Variants in NOS1AP observed in about 807,000 individuals in gnomAD.
NOS1AP encodes nitric oxide synthase 1 adaptor protein, also known as carboxyl-terminal PDZ ligand of neuronal nitric oxide synthase protein.
A neutral mutation model predicts 56.2 loss-of-function variants in NOS1AP; 21 were observed. The observed-to-expected ratio is 0.37, with a 90% CI of 0.26 to 0.54. The LOEUF (loss-of-function observed/expected upper bound fraction) is 0.54. NOS1AP is among the 20% of genes least tolerant of loss of function. The pLI, the probability that NOS1AP is intolerant of heterozygous loss-of-function variation, is 0.84. For synonymous variants in NOS1AP, 270 were observed against 274.6 expected (o/e 0.98, Z 0.17); for missense variants, 522 against 657.8 (o/e 0.79, Z 2.26).
chr1:162,295,172 C>T (rs890022020), intron 3 of NOS1AP, among the ~76,000 whole-genome samples: 2 of 152,088 alleles, frequency 1.3e-5, no homozygotes, highest in Non-Finnish European at 1.5e-5. Flanking sequence ...GTGTGTGTCC[C>T]CTCCTTTTCT....
At chr1:162,118,518 T>A (rs985375462) in intron 1 of NOS1AP, among the ~76,000 whole-genome samples, 9 of 152,204 alleles carry the variant, frequency 5.9e-5, no homozygotes, top group Non-Finnish European at 1.2e-4. Context: ...TCCACGTGTT[T>A]GCTAATGTGA....
intron 9 of NOS1AP, 165 bp from the exon 10 acceptor site, chr1:162,366,887 G>A: frequency 1.3e-6 from 1 of 766,836 alleles, no homozygotes; most frequent in Admixed American, 1.9e-5. Flanking sequence ...AGCTATGTGG[G>A]GGCGGGAGGA....
intron 1 of NOS1AP, among the ~76,000 whole-genome samples, chr1:162,073,637 T>G (rs7514962): frequency 0.54 from 82,392 of 151,972 alleles, 23,775 homozygotes; most frequent in Non-Finnish European, 0.65. Context: ...ATTTTGTATT[T>G]TTTGTAGAGA....
chr1:162,081,774 A>ATATTTTTT, intron 1 of NOS1AP, among the ~76,000 whole-genome samples: 1 of 44,060 alleles, frequency 2.3e-5, no homozygotes, highest in African/African-American at 7.7e-5. Flanking sequence ...ATATATATAT[A>ATATTTTTT]TTTTTTTTTT....
chr1:162,204,052 G>A (rs893941751), intron 2 of NOS1AP, among the ~76,000 whole-genome samples: 1 of 151,524 alleles, frequency 6.6e-6, no homozygotes, highest in East Asian at 1.9e-4. Context: ...TGGCCAGAGT[G>A]CTCTTTCAAA....
intron 1 of NOS1AP, among the ~76,000 whole-genome samples, chr1:162,124,546 G>A (rs1160868418): frequency 6.6e-6 from 1 of 151,566 alleles, no homozygotes; most frequent in Non-Finnish European, 1.5e-5. Context: ...CTTTGAGATG[G>A]AGTTTTGCTC....
intron 1 of NOS1AP, among the ~76,000 whole-genome samples, chr1:162,096,741 G>A (rs950719166): frequency 1.3e-5 from 2 of 152,018 alleles, no homozygotes; most frequent in Non-Finnish European, 2.9e-5. Context: ...TTAACAATAT[G>A]CTTTTGAAGT....
Position 162,173,550 on chromosome 1 carries a change from A to G in NOS1AP, c.177+19074A>G, listed in dbSNP as rs935690728. ...TAAAACACCAAAAGCAATGGCAACA[A>G]AAGCCAAAATTGACAAATGGGATCC... On this transcript the variant is annotated intron_variant, in intron 2 of 9. Transcript: ENST00000361897. 9.2e-5 allele frequency among the ~76,000 whole-genome samples: 14 copies of G among 152,340 alleles called. 1 individual carries two copies. Among genetic ancestry groups the G allele is most frequent in the Non-Finnish European group, 1.0e-4 (7 of 68,032 alleles).
chr1:162,140,047 T>A (rs1325311649), intron 1 of NOS1AP, among the ~76,000 whole-genome samples: 5 of 152,326 alleles, frequency 3.3e-5, no homozygotes, highest in South Asian at 4.1e-4. Flanking sequence ...CAGGCTGGTC[T>A]TGAACCCCTA....
chr1:162,261,816 G>A (rs1286176049), intron 2 of NOS1AP, among the ~76,000 whole-genome samples: 1 of 152,188 alleles, frequency 6.6e-6, no homozygotes. Context: ...GATGGACATA[G>A]TTCATTTGGG....
intron 2 of NOS1AP, among the ~76,000 whole-genome samples, chr1:162,276,139 C>A (rs1007049641): frequency 2.0e-5 from 3 of 152,108 alleles, no homozygotes; most frequent in African/African-American, 7.2e-5. Context: ...AATTTACTGA[C>A]CCTCGGAGTC....
intron 3 of NOS1AP, among the ~76,000 whole-genome samples, chr1:162,298,519 C>T (rs1004962020): frequency 6.6e-6 from 1 of 152,234 alleles, no homozygotes; most frequent in Non-Finnish European, 1.5e-5. Context: ...CCAGCCTTAA[C>T]TCCCTTCTGG....
intron 3 of NOS1AP, among the ~76,000 whole-genome samples, chr1:162,297,380 C>G (rs1282112164): frequency 6.6e-6 from 1 of 152,218 alleles, no homozygotes; most frequent in African/African-American, 2.4e-5. Context: ...GTTTATGCCA[C>G]CGCAGCCACT....
At chr1:162,295,945 C>T (rs1423451671) in intron 3 of NOS1AP, among the ~76,000 whole-genome samples, 1 of 151,322 alleles carries the variant, frequency 6.6e-6, no homozygotes, top group Non-Finnish European at 1.5e-5. Flanking sequence ...CCCTTTAGTT[C>T]TAAAGTTCTT....
At chr1:162,165,885 T>C (rs1571085839) in intron 2 of NOS1AP, among the ~76,000 whole-genome samples, 1 of 152,316 alleles carries the variant, frequency 6.6e-6, no homozygotes, top group South Asian at 2.1e-4. Context: ...CAAAGGCACC[T>C]TAAATTCAAT....
At chr1:162,234,798 C>G (rs905723239) in intron 2 of NOS1AP, among the ~76,000 whole-genome samples, 5 of 152,208 alleles carry the variant, frequency 3.3e-5, no homozygotes, top group African/African-American at 1.2e-4. Flanking sequence ...CACCCTCACT[C>G]CCACTCCCAT....
At chr1:162,245,854 A>G (rs1653643921) in intron 2 of NOS1AP, among the ~76,000 whole-genome samples, 1 of 152,234 alleles carries the variant, frequency 6.6e-6, no homozygotes. Context: ...TGTAAGTCCC[A>G]GGTGGGCTAT....
At chr1:162,347,753 C>T (rs1272239938) in intron 6 of NOS1AP, among the ~76,000 whole-genome samples, 1 of 152,194 alleles carries the variant, frequency 6.6e-6, no homozygotes, top group Non-Finnish European at 1.5e-5. Flanking sequence ...CTATACTTTT[C>T]TTTCAGTACT....
chr1:162,300,321 T>C (rs1655602792), intron 3 of NOS1AP, among the ~76,000 whole-genome samples: 1 of 152,162 alleles, frequency 6.6e-6, no homozygotes, highest in South Asian at 2.1e-4. Context: ...TCTGCAAATG[T>C]ACCAATTAAC....
Sources: gnomAD v4.1 joint callset for allele counts (sites outside exome capture counted in the v4.1 genomes callset) on GRCh38, gnomAD v4.1.1 for gene constraint, MANE v1.5 for transcripts, NCBI Gene and HGNC (gene_info 2026-07-23, HGNC 2026-07-21) for gene names.